Variants in ADCY8 observed in about 807,000 individuals in gnomAD.
ADCY8 encodes adenylate cyclase type 8.
ADCY8 carries 51 observed loss-of-function variants against 119.7 expected under a neutral mutation model. The ratio of observed to expected loss-of-function variants is 0.43; its 90% confidence interval spans 0.34 to 0.54. The LOEUF is 0.54. Among genes scored for constraint, ADCY8 ranks in the 20% least tolerant of loss-of-function variants. The probability of loss-of-function intolerance (pLI) is 0.03; values close to 1 mark genes in which losing one functional copy is unlikely to be tolerated. For missense variants in ADCY8, 1,383 were observed against 1,598.8 expected (o/e 0.87, Z 2.30); for synonymous variants, 665 against 651.0 (o/e 1.02, Z -0.33).
chr8:130,855,349 C>T (rs2130344104), intron 9 of ADCY8, among the ~76,000 whole-genome samples: 1 of 152,252 alleles, frequency 6.6e-6, no homozygotes, highest in African/African-American at 2.4e-5. Flanking sequence ...GGTAAATGGG[C>T]TACCCAATTC....
At chr8:130,812,146 T>A (rs957748268) in intron 14 of ADCY8, among the ~76,000 whole-genome samples, 1 of 152,012 alleles carries the variant, frequency 6.6e-6, no homozygotes, top group Non-Finnish European at 1.5e-5. Context: ...CCTTTTAGAG[T>A]CTCCTGCCTG....
intron 17 of ADCY8, among the ~76,000 whole-genome samples, chr8:130,782,982 C>T (rs1273070157): frequency 6.6e-6 from 1 of 152,170 alleles, no homozygotes; most frequent in East Asian, 1.9e-4. Flanking sequence ...GCTGGTGTGA[C>T]TGTGTGATCT....
At position 130,780,754 on chromosome 8, in the gene ADCY8, T is replaced by G; in HGVS notation, c.3392A>C (p.Gln1131Pro). 1 of 1,614,222 alleles carries G rather than the reference T, an allele frequency of 6.2e-7. No individual in the cohort carries two copies. Among genetic ancestry groups the G allele is most frequent in the Non-Finnish European group, 8.5e-7 (1 of 1,180,024 alleles). ...GATGAGATAGGTCTCCTCTGGGACT[T>G]GGATCCGGCCACTAACCCCCGTGCT... ...MDSTGVSGRI[Q>P]VPEETYLILK... Residue 1131 changes from glutamine to proline, a missense_variant, in exon 18 of 18, where the codon CAA (glutamine) becomes CCA (proline). Physicochemically the swap from Gln to Pro is moderately conservative, Grantham distance 76. Around this residue, in one of 2 missense-constraint regions of ADCY8, gnomAD observed 928 missense variants for 1,163.5 expected, o/e 0.80. Transcript: ENST00000286355.
chr8:130,924,455 A>G (rs1820402753), intron 5 of ADCY8, among the ~76,000 whole-genome samples: 1 of 152,184 alleles, frequency 6.6e-6, no homozygotes, highest in Admixed American at 6.5e-5. Flanking sequence ...AGAGAGCACT[A>G]AGTAAAAATG....
intron 12 of ADCY8, among the ~76,000 whole-genome samples, chr8:130,825,767 T>A (rs1001325776): frequency 2.6e-5 from 4 of 152,228 alleles, no homozygotes; most frequent in Non-Finnish European, 5.9e-5. Flanking sequence ...GTGTCCTGCC[T>A]ATACTGACCT....
intron 12 of ADCY8, among the ~76,000 whole-genome samples, chr8:130,831,451 G>A (rs573344092): frequency 1.3e-4 from 20 of 152,248 alleles, no homozygotes; most frequent in Non-Finnish European, 2.1e-4. Context: ...AATGAGGAAT[G>A]GCCAAAGATG....
chr8:130,801,038 T>C (rs889807231), intron 14 of ADCY8, among the ~76,000 whole-genome samples: 1 of 152,192 alleles, frequency 6.6e-6, no homozygotes, highest in Non-Finnish European at 1.5e-5. Flanking sequence ...CCTTGTGAGT[T>C]AGGGTTTCAA....
At position 131,008,268 on chromosome 8, in the gene ADCY8, G is replaced by A. The variant is rs142028207; in HGVS notation, c.961-17726C>T. 3.3e-3 allele frequency among the ~76,000 whole-genome samples: 504 copies of A among 152,250 alleles called. 2 individuals carry two copies. The highest frequency in any genetic ancestry group is 0.012 in the African/African-American group (482 of 41,516). ...AGGCTTCAGAGACTTATATGGTTTGGCTTTGTGTCCCTGCCCAAATCCAAC... is the reference window on the plus strand; with the variant it reads ...AGGCTTCAGAGACTTATATGGTTTGACTTTGTGTCCCTGCCCAAATCCAAC... On this transcript the variant is annotated intron_variant, in intron 1 of 17. Coordinates refer to ENST00000286355, the MANE Select transcript of ADCY8 (RefSeq NM_001115.3).
At chr8:130,924,821 T>C (rs1586576024) in intron 5 of ADCY8, among the ~76,000 whole-genome samples, 1 of 152,294 alleles carries the variant, frequency 6.6e-6, no homozygotes, top group Admixed American at 6.5e-5. Context: ...ATTTGGCCTA[T>C]CACCCCGCCT....
intron 2 of ADCY8, among the ~76,000 whole-genome samples, chr8:130,968,749 A>AC (rs1347239425): frequency 1.3e-5 from 2 of 151,438 alleles, no homozygotes; most frequent in African/African-American, 2.5e-5. Context: ...AGAGGAAGGC[A>AC]CTTTTTTCTT....
At chr8:130,794,808 G>T (rs17226139) in intron 15 of ADCY8, among the ~76,000 whole-genome samples, 93,934 of 152,172 alleles carry the variant, frequency 0.62, 30,036 homozygotes, top group African/African-American at 0.75. Flanking sequence ...TGACCCTACT[G>T]TATCTCATTT....
intron 14 of ADCY8, among the ~76,000 whole-genome samples, chr8:130,810,762 A>T (rs1359372353): frequency 1.3e-5 from 2 of 152,204 alleles, no homozygotes; most frequent in African/African-American, 4.8e-5. Flanking sequence ...TCCTGACAAG[A>T]TGTCTTATAC....
At chr8:131,017,232 G>A (rs555618238) in intron 1 of ADCY8, among the ~76,000 whole-genome samples, 5 of 152,212 alleles carry the variant, frequency 3.3e-5, no homozygotes, top group African/African-American at 1.2e-4. Context: ...ACCACGCCCG[G>A]CTAATTTGTG....
chr8:130,988,274 G>C (rs1303170927), intron 2 of ADCY8, among the ~76,000 whole-genome samples: 3 of 152,174 alleles, frequency 2.0e-5, no homozygotes, highest in Non-Finnish European at 4.4e-5. Flanking sequence ...TGATGATGTG[G>C]AGTCAGCTAT....
chr8:130,929,335 T>C (rs1486154670), intron 5 of ADCY8, among the ~76,000 whole-genome samples: 5 of 152,076 alleles, frequency 3.3e-5, no homozygotes. Context: ...AAGTTTGTTG[T>C]TTTCCAATTT....
In ADCY8 at chr8:130,795,308, C is replaced by G. The variant is rs541652319; in HGVS notation, c.3060+5118G>C. Among the ~76,000 whole-genome samples the G allele has an allele frequency of 5.3e-5, 8 of 152,254 alleles. No homozygotes were observed. In the East Asian group the frequency reaches 1.4e-3, roughly 26 times the overall value. ...CCAGGGTGAGAAAGGGGAGACAGGA[C>G]CACGCATAGTTTGCAGGGTCCAGTG... On this transcript the variant is annotated intron_variant, in intron 15 of 17. Transcript: ENST00000286355.
At chr8:130,857,008 G>A (rs1382179364) in intron 9 of ADCY8, among the ~76,000 whole-genome samples, 1 of 146,662 alleles carries the variant, frequency 6.8e-6, no homozygotes, top group Non-Finnish European at 1.5e-5. Flanking sequence ...AGCTTAATTA[G>A]TTCTTATAAA....
At chr8:130,956,049 G>A (rs1229153724) in intron 2 of ADCY8, among the ~76,000 whole-genome samples, 1 of 152,194 alleles carries the variant, frequency 6.6e-6, no homozygotes, top group Non-Finnish European at 1.5e-5. Flanking sequence ...GGAGGCTGAG[G>A]TGGGAGGATC....
At chr8:130,922,529 A>C (rs1221515741) in intron 5 of ADCY8, among the ~76,000 whole-genome samples, 1 of 152,028 alleles carries the variant, frequency 6.6e-6, no homozygotes, top group Non-Finnish European at 1.5e-5. Flanking sequence ...GTTGGGGGTA[A>C]GGTCACAGAT....
Sources: allele counts gnomAD v4.1 joint callset (sites outside exome capture counted in the v4.1 genomes callset), GRCh38; gene constraint gnomAD v4.1.1; regional missense constraint gnomAD v4.1.1; transcripts MANE v1.5; gene names NCBI Gene and HGNC (gene_info 2026-07-23, HGNC 2026-07-21).